The following SH3GL3 variants were observed in gnomAD, a reference collection of about 807,000 sequenced individuals.
SH3GL3 encodes SH3 domain containing GRB2 like 3, endophilin A3.
In SH3GL3, 33 loss-of-function variants were observed where a neutral mutation model predicts 47.7. The observed-to-expected ratio is 0.69, with a 90% CI of 0.52 to 0.92. SH3GL3 has a LOEUF of 0.92. Among genes scored for constraint, SH3GL3 ranks in the 40% least tolerant of loss-of-function variants. The probability of loss-of-function intolerance (pLI) is 0.00; values close to 1 mark genes in which losing one functional copy is unlikely to be tolerated. For missense variants in SH3GL3, 363 were observed against 417.8 expected (o/e 0.87, Z 1.14); for synonymous variants, 155 against 148.8 (o/e 1.04, Z -0.30).
intron 1 of SH3GL3, among the ~76,000 whole-genome samples, chr15:83,476,738 A>C (rs2041116760): frequency 6.6e-6 from 1 of 152,250 alleles, no homozygotes; most frequent in South Asian, 2.1e-4. Context: ...ACAAGGGCAG[A>C]GTTGAGTAGT....
chr15:83,574,414 C>T (rs1344076550), intron 5 of SH3GL3, among the ~76,000 whole-genome samples: 1 of 152,158 alleles, frequency 6.6e-6, no homozygotes, highest in Non-Finnish European at 1.5e-5. Flanking sequence ...CTCCTCTGGG[C>T]CGCAGGGTCT....
chr15:83,593,252 T>C (rs976553106), intron 8 of SH3GL3, among the ~76,000 whole-genome samples: 11 of 152,240 alleles, frequency 7.2e-5, no homozygotes. Flanking sequence ...AGATTTTTAT[T>C]TGGATTGGGT....
chr15:83,450,532 C>A (rs1193050292), intron 1 of SH3GL3, among the ~76,000 whole-genome samples: 3 of 152,014 alleles, frequency 2.0e-5, no homozygotes, highest in African/African-American at 7.2e-5. Flanking sequence ...GAAAAAACCC[C>A]TACTTTACAG....
intron 6 of SH3GL3, among the ~76,000 whole-genome samples, chr15:83,584,711 C>T (rs112136803): frequency 2.0e-5 from 3 of 152,258 alleles, no homozygotes; most frequent in East Asian, 3.9e-4. Context: ...AGTTCCTTGG[C>T]GTATATCACG....
At chr15:83,581,809 A>G (rs537014390) in intron 6 of SH3GL3, among the ~76,000 whole-genome samples, 2 of 152,320 alleles carry the variant, frequency 1.3e-5, no homozygotes, top group East Asian at 3.9e-4. Flanking sequence ...TCGGCCCCAC[A>G]CTGTAGCCTT....
At chr15:83,526,182 G>T (rs1298434569) in intron 1 of SH3GL3, among the ~76,000 whole-genome samples, 3 of 152,160 alleles carry the variant, frequency 2.0e-5, no homozygotes, top group Admixed American at 2.0e-4. Flanking sequence ...ACAGATGCTG[G>T]TGAGGTTGAG....
At chr15:83,604,723 C>G (rs979412162) in intron 8 of SH3GL3, among the ~76,000 whole-genome samples, 2 of 152,098 alleles carry the variant, frequency 1.3e-5, no homozygotes, top group African/African-American at 4.8e-5. Flanking sequence ...TTTTTAGTCC[C>G]CATTTTACAG....
downstream of SH3GL3, among the ~76,000 whole-genome samples, chr15:83,622,190 A>G (rs929339678): frequency 1.3e-5 from 2 of 152,218 alleles, no homozygotes; most frequent in African/African-American, 2.4e-5. Context: ...CAGAGATGCC[A>G]TAACACTGAG....
chr15:83,608,600 AGAG>A, intron 8 of SH3GL3, among the ~76,000 whole-genome samples: 1 of 152,344 alleles, frequency 6.6e-6, no homozygotes, highest in African/African-American at 2.4e-5. Context: ...GTTTGAACTC[AGAG>A]GAGATGGTAT....
intron 1 of SH3GL3, among the ~76,000 whole-genome samples, chr15:83,478,202 G>A (rs1429040160): frequency 6.6e-6 from 1 of 152,134 alleles, no homozygotes; most frequent in African/African-American, 2.4e-5. Context: ...CCTACGGGAG[G>A]GCAACTGTTA....
chr15:83,626,157 G>A, the SH3GL3 span, among the ~76,000 whole-genome samples: 1 of 152,108 alleles, frequency 6.6e-6, no homozygotes. Context: ...AACACTGTGT[G>A]ACTTTCACTT....
chr15:83,466,556 A>G (rs879718172), intron 1 of SH3GL3, among the ~76,000 whole-genome samples: 12 of 152,120 alleles, frequency 7.9e-5, no homozygotes, highest in African/African-American at 1.7e-4. Context: ...CCCAGAGGAA[A>G]GGTACTACTT....
chr15:83,618,032 A>C, intron 8 of SH3GL3, 50 bp from the exon 9 acceptor site: 1 of 1,224,212 alleles, frequency 8.2e-7, no homozygotes, highest in Non-Finnish European at 1.2e-6. Flanking sequence ...TTTCCCATGG[A>C]TAATCCATCA....
At chr15:83,549,915 G>A (rs1402745289) in intron 1 of SH3GL3, among the ~76,000 whole-genome samples, 3 of 152,160 alleles carry the variant, frequency 2.0e-5, no homozygotes, top group East Asian at 1.9e-4. Flanking sequence ...AGCTGTAGAT[G>A]TATCACTCCC....
chr15:83,456,716 C>T (rs1292193241), intron 1 of SH3GL3, among the ~76,000 whole-genome samples: 1 of 148,452 alleles, frequency 6.7e-6, no homozygotes, highest in African/African-American at 2.5e-5. Flanking sequence ...TCTGGCACTC[C>T]CTAGTGAGAT....
intron 1 of SH3GL3, among the ~76,000 whole-genome samples, chr15:83,459,461 G>A (rs963909323): frequency 6.6e-6 from 1 of 152,182 alleles, no homozygotes; most frequent in Non-Finnish European, 1.5e-5. Flanking sequence ...GGAGTTTTGT[G>A]TATAATTGGG....
At chr15:83,532,239 G>A (rs1464229319) in intron 1 of SH3GL3, among the ~76,000 whole-genome samples, 1 of 152,156 alleles carries the variant, frequency 6.6e-6, no homozygotes, top group African/African-American at 2.4e-5. Context: ...AATTGGATGT[G>A]AAAAAATTGA....
At chr15:83,554,019 CT>C (rs373240676) in intron 1 of SH3GL3, among the ~76,000 whole-genome samples, 4,003 of 129,358 alleles carry the variant, frequency 0.031, 104 homozygotes, top group African/African-American at 0.098. Flanking sequence ...TTCTCTCGCT[CT>C]TTTTTTTTTT....
chr15:83,564,737 TG>T (rs1421168395), intron 2 of SH3GL3, among the ~76,000 whole-genome samples: 1 of 152,220 alleles, frequency 6.6e-6, no homozygotes, highest in East Asian at 1.9e-4. Flanking sequence ...ATCATTACTG[TG>T]GCATCCTTAT....
Sources: allele counts gnomAD v4.1 joint callset (sites outside exome capture counted in the v4.1 genomes callset), GRCh38; gene constraint gnomAD v4.1.1; transcripts MANE v1.5; gene names NCBI Gene and HGNC (gene_info 2026-07-23, HGNC 2026-07-21).